The following HACD3 variants were observed in gnomAD, a reference collection of about 807,000 sequenced individuals.
HACD3 encodes the protein 3-hydroxyacyl-CoA dehydratase 3.
Under a neutral mutation model 55.2 loss-of-function variants are expected in HACD3, and 30 were observed. That is an observed-to-expected ratio of 0.54 (90% CI 0.41 to 0.74). HACD3 has a LOEUF of 0.74. Among genes scored for constraint, HACD3 ranks in the 30% least tolerant of loss-of-function variants. The pLI, the probability that HACD3 is intolerant of heterozygous loss-of-function variation, is 0.00. For synonymous variants in HACD3, 141 were observed against 151.7 expected (o/e 0.93, Z 0.52); for missense variants, 363 against 440.1 (o/e 0.82, Z 1.57).
intron 1 of HACD3, chr15:65,535,594 T>C (rs945163017): frequency 5.0e-6 from 2 of 398,172 alleles, no homozygotes; most frequent in Non-Finnish European, 8.9e-6. Context: ...TGTGTTCATT[T>C]AGTGTCTCTG....
intron 7 of HACD3, among the ~76,000 whole-genome samples, chr15:65,568,163 C>G (rs1397284237): frequency 6.6e-6 from 1 of 151,882 alleles, no homozygotes; most frequent in Admixed American, 6.6e-5. Flanking sequence ...CCCAGGTGAT[C>G]TACCCGCCTC....
chr15:65,574,683 G>T (rs1005255335), intron 10 of HACD3: 4 of 151,886 alleles, frequency 2.6e-5, no homozygotes, highest in African/African-American at 9.7e-5. Context: ...AGTATACATT[G>T]TAGGCCCACG....
chr15:65,564,472 A>T, intron 7 of HACD3, 130 bp downstream of exon 7: 1 of 1,188,908 alleles, frequency 8.4e-7, no homozygotes, highest in Non-Finnish European at 1.1e-6. Flanking sequence ...CAAAAGAAAG[A>T]GGTTTAATTG....
intron 6 of HACD3, among the ~76,000 whole-genome samples, chr15:65,563,564 C>G (rs193036472): frequency 6.6e-4 from 100 of 152,246 alleles, no homozygotes; most frequent in African/African-American, 2.3e-3. Flanking sequence ...AGCACTTTAA[C>G]AGGCTGAAGT....
chr15:65,572,392 C>T, intron 10 of HACD3, 26 bp downstream of exon 10: 1 of 1,531,102 alleles, frequency 6.5e-7, no homozygotes. Flanking sequence ...TTAATACAGA[C>T]TTTTTCTTGT....
rs1197495599 is a variant in HACD3 at position 65,556,822 on chromosome 15, G to C, written c.288G>C (p.Gln96His). Residue 96 changes from glutamine (Q) to histidine (H), a missense_variant, in exon 4 of 11, where the codon CAG (glutamine) becomes CAC (histidine). By Grantham distance (24) the Gln-to-His change is conservative (BLOSUM62 0). Transcript: ENST00000261875. ...AGTGGTGGGAGAGACTCACAAAGCA[G>C]GAAAAGCGACCACTGTTTTTGGCTC... ...VSQWWERLTK[Q>H]EKRPLFLAPD... The C allele has an allele frequency of 5.6e-6, 9 of 1,612,738 alleles. No individual in the cohort carries two copies. Among genetic ancestry groups the C allele is most frequent in the Non-Finnish European group, 7.6e-6 (9 of 1,179,342 alleles).
At chr15:65,563,108 T>C (rs892786929) in intron 6 of HACD3, among the ~76,000 whole-genome samples, 2 of 152,120 alleles carry the variant, frequency 1.3e-5, no homozygotes, top group African/African-American at 4.8e-5. Flanking sequence ...GGCCTAGAGA[T>C]GGTCAAAAAT....
intron 1 of HACD3, among the ~76,000 whole-genome samples, chr15:65,541,396 A>G (rs2072017585): frequency 6.6e-6 from 1 of 152,214 alleles, no homozygotes; most frequent in Admixed American, 6.5e-5. Flanking sequence ...TGTTCAGCCA[A>G]AGATCACCAA....
intron 9 of HACD3, 134 bp downstream of exon 9, chr15:65,571,788 G>A (rs1213007106): frequency 2.8e-6 from 2 of 708,396 alleles, no homozygotes; most frequent in Non-Finnish European, 2.3e-6. Context: ...CTTTCCATGG[G>A]CTTCCTTCCA....
Position 65,570,159 on chromosome 15 carries a change from G to T in HACD3, c.729G>T (p.Val243=). Residue 243 remains valine, a synonymous_variant, in exon 8 of 11, where the codon GTG becomes GTT. Transcript: ENST00000261875. ...GTMEEMQNKA[V]VFFVFYLWSA... Reference sequence around the variant, plus strand: ...TGGAAGAAATGCAGAACAAAGCTGTGGTTTTCTTTGTGTTTTATTTGTGGA... The same window carrying T: ...TGGAAGAAATGCAGAACAAAGCTGTTGTTTTCTTTGTGTTTTATTTGTGGA... The T allele has an allele frequency of 1.2e-6, 2 of 1,612,802 alleles. No homozygotes were observed. The highest frequency in any genetic ancestry group is 1.7e-6 in the Non-Finnish European group (2 of 1,179,182).
chr15:65,559,641 T>TA (rs1280359516), intron 5 of HACD3, among the ~76,000 whole-genome samples: 3 of 151,786 alleles, frequency 2.0e-5, no homozygotes, highest in African/African-American at 7.3e-5. Flanking sequence ...TTTTGAGTGT[T>TA]ATGTGTTGGC....
At chr15:65,532,972 C>G (rs193026111) in intron 1 of HACD3, among the ~76,000 whole-genome samples, 1 of 152,228 alleles carries the variant, frequency 6.6e-6, no homozygotes, top group East Asian at 1.9e-4. Flanking sequence ...GGATGTTGAA[C>G]CAGGTATCTG....
chr15:65,539,195 T>A (rs966362884), intron 1 of HACD3, among the ~76,000 whole-genome samples: 1 of 146,746 alleles, frequency 6.8e-6, no homozygotes, highest in African/African-American at 2.5e-5. Flanking sequence ...TTTCTGAGAA[T>A]GTTCAGTGAC....
intron 1 of HACD3, among the ~76,000 whole-genome samples, chr15:65,535,276 A>G (rs2071943315): frequency 6.6e-6 from 1 of 152,244 alleles, no homozygotes; most frequent in Non-Finnish European, 1.5e-5. Flanking sequence ...CTTGAAGAAG[A>G]CATTTGCAGT....
intron 1 of HACD3, among the ~76,000 whole-genome samples, chr15:65,532,462 C>T (rs573836540): frequency 6.6e-6 from 1 of 152,148 alleles, no homozygotes; most frequent in South Asian, 2.1e-4. Context: ...CCCATCTCTA[C>T]TAAAAATACA....
At chr15:65,539,333 G>A (rs968377262) in intron 1 of HACD3, among the ~76,000 whole-genome samples, 4 of 145,450 alleles carry the variant, frequency 2.8e-5, no homozygotes, top group Admixed American at 1.5e-4. Flanking sequence ...TGATTCTCCC[G>A]CCTCAGCCTC....
At chr15:65,573,555 C>T (rs912604522) in intron 10 of HACD3, among the ~76,000 whole-genome samples, 1 of 151,668 alleles carries the variant, frequency 6.6e-6, no homozygotes, top group Non-Finnish European at 1.5e-5. Flanking sequence ...TTACAATGAA[C>T]CGAGATTGTG....
At chr15:65,572,416 G>A in intron 10 of HACD3, 50 bp downstream of exon 10, 1 of 1,452,842 alleles carries the variant, frequency 6.9e-7, no homozygotes, top group Non-Finnish European at 9.2e-7. Flanking sequence ...TTCTTAGACA[G>A]TAGAATTAAA....
chr15:65,558,301 T>C (rs2072213750), intron 4 of HACD3, among the ~76,000 whole-genome samples: 2 of 152,218 alleles, frequency 1.3e-5, no homozygotes, highest in South Asian at 2.1e-4. Context: ...GGAAAAATTA[T>C]ACTAAAATTC....
Sources: allele counts gnomAD v4.1 joint callset (sites outside exome capture counted in the v4.1 genomes callset), GRCh38; gene constraint gnomAD v4.1.1; transcripts MANE v1.5; gene names NCBI Gene and HGNC (gene_info 2026-07-23, HGNC 2026-07-21).